Variants in SNX8 observed in about 807,000 individuals in gnomAD.
The protein encoded by SNX8 is sorting nexin-8.
A neutral mutation model predicts 51.6 loss-of-function variants in SNX8; 25 were observed. The observed-to-expected ratio is 0.48, with a 90% confidence interval of 0.35 to 0.68. SNX8 has a LOEUF of 0.68. Ranked by LOEUF, SNX8 falls within the 30% of genes least tolerant of loss-of-function variation. The pLI is 0.00. For missense variants in SNX8, 695 were observed against 624.0 expected (o/e 1.11, Z -1.21); for synonymous variants, 324 against 277.0 (o/e 1.17, Z -1.68).
chr7:2,314,554 C>A (rs1460889411), upstream of SNX8: 1 of 928,308 alleles, frequency 1.1e-6, no homozygotes, highest in Non-Finnish European at 1.3e-6. Flanking sequence ...CAGTCCGCCC[C>A]TGCGGGCCCG....
At chr7:2,310,671 G>T (rs1221907437) in intron 1 of SNX8, among the ~76,000 whole-genome samples, 2 of 152,082 alleles carry the variant, frequency 1.3e-5, no homozygotes, top group Non-Finnish European at 2.9e-5. Flanking sequence ...GGAGGCTGAG[G>T]CAGAAAGAAG....
intron 1 of SNX8, among the ~76,000 whole-genome samples, chr7:2,346,735 C>T (rs1333640008): frequency 6.8e-5 from 4 of 58,470 alleles, no homozygotes; most frequent in Admixed American, 5.4e-4. Context: ...TGGACTCCGT[C>T]TCAAAAAAAA....
chr7:2,332,460 C>G (rs1182941603), intron 1 of SNX8, among the ~76,000 whole-genome samples: 1 of 151,970 alleles, frequency 6.6e-6, no homozygotes, highest in African/African-American at 2.4e-5. Context: ...ATAACCAACA[C>G]AATCTTAGAG....
chr7:2,328,103 G>A (rs1778659013), intron 1 of SNX8, among the ~76,000 whole-genome samples: 2 of 151,948 alleles, frequency 1.3e-5, no homozygotes, highest in East Asian at 1.9e-4. Flanking sequence ...AGGCTGGAGT[G>A]TTGTGACATG....
In SNX8 at chr7:2,255,149, G is replaced by A. The variant is rs755540971; in HGVS notation, c.1305C>T (p.Asp435=). 1.3e-6 allele frequency: 2 copies of A among 1,566,378 alleles called. No homozygotes were observed. The highest frequency in any genetic ancestry group is 1.9e-5 in the Admixed American group (1 of 53,778). The change falls in exon 11 of 11, where the codon GAC becomes GAT. Residue 435 remains aspartate, a synonymous_variant. Transcript: ENST00000222990. ...AGAGGCAGCTGAGCTTGGGCCTCAG[G>A]TCGTTCCACACCTTGCTCATCTGAA... ...GHKEMSKVWN[D]LRPKLSCLFA...
In SNX8 at chr7:2,264,278, G is replaced by T; in HGVS notation, c.782+20C>A. The stretch of plus-strand genomic sequence containing the variant: ...CCGTCCCACCGCGCGTGCCCCTGCA[G>T]AAGCTGAAAGGTCACCTACCTTAGC... On this transcript the variant is annotated intron_variant, in intron 6 of 10. Coordinates refer to ENST00000222990, the MANE Select transcript of SNX8 (RefSeq NM_013321.4). The T allele has an allele frequency of 6.2e-7, 1 of 1,600,436 alleles. No individual in the cohort carries two copies. The highest frequency in any genetic ancestry group is 8.5e-7 in the Non-Finnish European group (1 of 1,170,518).
chr7:2,303,983 A>T (rs879452500), intron 1 of SNX8, among the ~76,000 whole-genome samples: 137 of 150,138 alleles, frequency 9.1e-4, no homozygotes, highest in Non-Finnish European at 1.3e-3. Context: ...AAAATAAAAA[A>T]AAATAAAAAC....
At chr7:2,270,359 G>T (rs1795615313) in intron 4 of SNX8, among the ~76,000 whole-genome samples, 1 of 140,472 alleles carries the variant, frequency 7.1e-6, no homozygotes, top group Admixed American at 7.2e-5. Flanking sequence ...GGCCCAGCAT[G>T]GTGCGTGCCT....
At chr7:2,322,305 G>A (rs1778534086) in intron 1 of SNX8, among the ~76,000 whole-genome samples, 1 of 152,160 alleles carries the variant, frequency 6.6e-6, no homozygotes, top group Admixed American at 6.6e-5. Context: ...GGCCAAGGCA[G>A]GAGAAGTGCT....
At position 2,319,707 on chromosome 7, in the gene SNX8, C is replaced by T. The variant is rs189297466; in HGVS notation, c.-66+34515G>A. 4.4e-3 allele frequency among the ~76,000 whole-genome samples: 663 copies of T among 151,734 alleles called. 6 individuals are homozygous for T. Among genetic ancestry groups the T allele is most frequent in the African/African-American group, 0.015 (620 of 41,392 alleles). On this transcript the variant is annotated intron_variant, in intron 1 of 5. Coordinates refer to the SNX8 transcript ENST00000435336. ...GCGGGCGCCTGTAGTCCCAGCTCCT[C>T]GGGAGGCTAAGGCAGGAGAATGGTG...
At chr7:2,345,304 G>A (rs982141897) in intron 1 of SNX8, among the ~76,000 whole-genome samples, 2 of 152,168 alleles carry the variant, frequency 1.3e-5, no homozygotes, top group Non-Finnish European at 2.9e-5. Flanking sequence ...CATTGTGGGT[G>A]AAGAAAACTG....
intron 2 of SNX8, among the ~76,000 whole-genome samples, chr7:2,277,794 A>G (rs6945061): frequency 0.75 from 113,341 of 150,944 alleles, 42,685 homozygotes; most frequent in Non-Finnish European, 0.77. Flanking sequence ...GCGACAGAGC[A>G]AGACTCCACA....
chr7:2,340,987 C>A (rs1025829431), intron 1 of SNX8, among the ~76,000 whole-genome samples: 1 of 150,884 alleles, frequency 6.6e-6, no homozygotes, highest in African/African-American at 2.4e-5. Flanking sequence ...AATTTAAGAC[C>A]AGCCTGGGCA....
intron 7 of SNX8, among the ~76,000 whole-genome samples, chr7:2,262,204 A>AT (rs544433539): frequency 9.2e-5 from 14 of 151,588 alleles, no homozygotes; most frequent in East Asian, 5.8e-4. Context: ...CCCCTGGCTA[A>AT]TTTTTTTTTA....
intron 1 of SNX8, among the ~76,000 whole-genome samples, chr7:2,303,393 G>T (rs755719041): frequency 5.5e-5 from 8 of 144,840 alleles, no homozygotes; most frequent in Non-Finnish European, 1.2e-4. Flanking sequence ...GCCTCTGCCC[G>T]GCCGCCCCTA....
At chr7:2,345,176 GA>G (rs1778997356) in intron 1 of SNX8, among the ~76,000 whole-genome samples, 1 of 152,028 alleles carries the variant, frequency 6.6e-6, no homozygotes, top group East Asian at 1.9e-4. Flanking sequence ...TTATAACACT[GA>G]AAAAAACCAA....
At chr7:2,314,656 T>C (rs1018752304), upstream of SNX8, among the ~76,000 whole-genome samples, 1 of 152,148 alleles carries the variant, frequency 6.6e-6, no homozygotes, top group Non-Finnish European at 1.5e-5. Context: ...AGCCTGCTGG[T>C]GGCGCAGGTT....
chr7:2,334,474 G>C (rs1690107377), intron 1 of SNX8, among the ~76,000 whole-genome samples: 1 of 151,940 alleles, frequency 6.6e-6, no homozygotes, highest in Non-Finnish European at 1.5e-5. Flanking sequence ...AAGGCGGGCG[G>C]ATCACTTGAG....
intron 1 of SNX8, among the ~76,000 whole-genome samples, chr7:2,280,792 CTTT>C (rs11464982): frequency 7.2e-6 from 1 of 138,790 alleles, no homozygotes. Flanking sequence ...CTAGAATGCC[CTTT>C]TTTTTTTTTT....
Sources: gnomAD v4.1 joint callset for allele counts (sites outside exome capture counted in the v4.1 genomes callset) on GRCh38, gnomAD v4.1.1 for gene constraint, MANE v1.5 for transcripts, NCBI Gene and HGNC (gene_info 2026-07-23, HGNC 2026-07-21) for gene names.